TENT5D: variants seen among roughly 807,000 people sequenced by gnomAD.
The protein encoded by TENT5D is terminal nucleotidyltransferase 5D.
For missense variants in TENT5D, 191 were observed against 287.0 expected, an observed-to-expected ratio of 0.67 and a Z score of 2.42; for synonymous variants, 103 against 100.6, an observed-to-expected ratio of 1.02 and a Z score of -0.15.
chrX:80,352,280 A>G (rs952060382), intron 3 of TENT5D, among the ~76,000 whole-genome samples: 2 of 111,671 alleles, frequency 1.8e-5, no homozygotes, highest in East Asian at 5.7e-4. Flanking sequence ...CGCTTCCTCC[A>G]GGTGCTCTGT....
chrX:80,370,999 A>G lies in TENT5D; in HGVS notation c.-142+28435A>G, dbSNP rs142510459. 9.7e-3 allele frequency among the ~76,000 whole-genome samples: 1,091 copies of G among 112,288 alleles called. 12 individuals are homozygous for G. The highest frequency in any genetic ancestry group is 0.03 in the African/African-American group (916 of 30,998). ...CACTTGCTCATGTAAAATTTCACAA[A>G]ACTTAGTTATTCAGCAGTGATAAGG... On this transcript the variant is annotated intron_variant, in intron 3 of 4. Transcript: ENST00000538312.
At chrX:80,442,427 G>T (rs1479161530) in intron 2 of TENT5D, 95 bp from the exon 3 acceptor site, 2 of 544,487 alleles carry the variant, frequency 3.7e-6, no homozygotes, top group Non-Finnish European at 5.8e-6. Flanking sequence ...CATGGTTTAT[G>T]TTGAGGGTAA....
At chrX:80,352,433 C>T (rs772038807) in intron 3 of TENT5D, among the ~76,000 whole-genome samples, 26 of 111,163 alleles carry the variant, frequency 2.3e-4, no homozygotes, top group Non-Finnish European at 3.6e-4. Context: ...CTGCCCAGTG[C>T]GAACTTGCAG....
intron 1 of TENT5D, among the ~76,000 whole-genome samples, chrX:80,437,093 T>A (rs1273799841): frequency 8.9e-6 from 1 of 112,566 alleles, no homozygotes; most frequent in African/African-American, 3.2e-5. Flanking sequence ...GCTATTTTAA[T>A]GCTTTATTCC....
rs1444980395 is a variant in TENT5D, at chrX:80,391,840, G to A, written c.-141-46770G>A. Among the ~76,000 whole-genome samples, 6 of 112,640 alleles carry A rather than the reference G, an allele frequency of 5.3e-5. No homozygotes were observed. In the East Asian group the frequency reaches 1.7e-3, roughly 31 times the overall value. On this transcript the variant is annotated intron_variant, in intron 3 of 4. Transcript: ENST00000538312. ...TGTATTTGGGATAATCGTAGACCCC[G>A]TTTAGGGAAGTTTAGTTGAGGTGCC...
At chrX:80,365,136 A>G (rs1930482109) in intron 3 of TENT5D, among the ~76,000 whole-genome samples, 1 of 111,043 alleles carries the variant, frequency 9.0e-6, no homozygotes, top group African/African-American at 3.3e-5. Flanking sequence ...TTCTTTACAT[A>G]TTCCATTGGC....
intron 3 of TENT5D, among the ~76,000 whole-genome samples, chrX:80,343,461 G>T (rs1175378990): frequency 9.9e-6 from 1 of 100,923 alleles, no homozygotes. Context: ...GCAATGGCAC[G>T]ATCTCGGCTC....
At chrX:80,402,118 A>C (rs1489318393) in intron 3 of TENT5D, among the ~76,000 whole-genome samples, 1 of 110,894 alleles carries the variant, frequency 9.0e-6, no homozygotes, top group Admixed American at 9.6e-5. Context: ...TTCGGGATTC[A>C]ATCTTGGTAG....
rs531286060 is a variant in TENT5D at position 80,432,449 on chromosome X, G to A, written c.-141-6161G>A. Among the ~76,000 whole-genome samples the A allele has an allele frequency of 2.5e-4, 28 of 111,811 alleles. No individual in the cohort carries two copies. In the Middle Eastern group the frequency reaches 0.014, roughly 55 times the overall value. On this transcript the variant is annotated intron_variant, in intron 1 of 2. Transcript: ENST00000308293. ...TCTCTCCAGCAAGCCTTTCCCCTGA[G>A]TCTTTAAGTCTGGCAGTCACACTAT...
chrX:80,398,799 G>C (rs1182541071), intron 3 of TENT5D, among the ~76,000 whole-genome samples: 4 of 109,587 alleles, frequency 3.7e-5, no homozygotes, highest in African/African-American at 1.3e-4. Flanking sequence ...CCAGTGCCTT[G>C]CTGTTTGGGT....
chrX:80,381,026 G>A (rs1023889018), intron 3 of TENT5D, among the ~76,000 whole-genome samples: 8 of 111,623 alleles, frequency 7.2e-5, no homozygotes, highest in African/African-American at 9.8e-5. Context: ...TATTTTGCCC[G>A]TTAGTTGATG....
intron 1 of TENT5D, among the ~76,000 whole-genome samples, chrX:80,432,923 G>T (rs1421370964): frequency 9.0e-6 from 1 of 110,904 alleles, no homozygotes; most frequent in Non-Finnish European, 1.9e-5. Flanking sequence ...TTTGGCCTGG[G>T]ACCTTGGTCC....
intron 1 of TENT5D, among the ~76,000 whole-genome samples, chrX:80,427,370 AACCTTAAAAC>A (rs777838089): frequency 1.6e-3 from 185 of 112,262 alleles, no homozygotes; most frequent in African/African-American, 5.6e-3. Context: ...AGCAGTTTAA[AACCTTAAAAC>A]ATTTAGCAAA....
intron 3 of TENT5D, among the ~76,000 whole-genome samples, chrX:80,379,997 CT>C (rs1399692306): frequency 1.0e-4 from 11 of 105,390 alleles, no homozygotes; most frequent in Admixed American, 2.1e-4. Flanking sequence ...TTGTCTTCTG[CT>C]TGCTTTTGAA....
chrX:80,392,730 A>T (rs1931159821), intron 3 of TENT5D, among the ~76,000 whole-genome samples: 1 of 104,277 alleles, frequency 9.6e-6, no homozygotes, highest in Admixed American at 1.0e-4. Context: ...GTTAGCCAGG[A>T]TGGTCTCGAT....
At chrX:80,359,982 A>C (rs1456609795) in intron 3 of TENT5D, among the ~76,000 whole-genome samples, 1 of 111,854 alleles carries the variant, frequency 8.9e-6, no homozygotes, top group Non-Finnish European at 1.9e-5. Flanking sequence ...GGATAATCTT[A>C]ATCAACTTTC....
At chrX:80,442,132 C>T (rs1932295871) in intron 2 of TENT5D, among the ~76,000 whole-genome samples, 1 of 111,168 alleles carries the variant, frequency 9.0e-6, no homozygotes, top group African/African-American at 3.3e-5. Context: ...GTTATCTGGT[C>T]TCACTTTACA....
intron 3 of TENT5D, among the ~76,000 whole-genome samples, chrX:80,360,420 T>C (rs924267319): frequency 1.8e-5 from 2 of 112,343 alleles, no homozygotes; most frequent in Non-Finnish European, 3.8e-5. Context: ...AATTGGTTAA[T>C]ATTTTGATAG....
At chrX:80,345,437 C>A (rs1930038960) in intron 3 of TENT5D, among the ~76,000 whole-genome samples, 1 of 111,421 alleles carries the variant, frequency 9.0e-6, no homozygotes, top group African/African-American at 3.3e-5. Context: ...TTTTGGAGTG[C>A]AGACTATTTG....
Sources: gnomAD v4.1 joint callset for allele counts (sites outside exome capture counted in the v4.1 genomes callset) on GRCh38, gnomAD v4.1.1 for gene constraint, MANE v1.5 for transcripts, NCBI Gene and HGNC (gene_info 2026-07-23, HGNC 2026-07-21) for gene names.